FOXK2: variants seen among roughly 807,000 people sequenced by gnomAD.
FOXK2 encodes forkhead box K2, also known as forkhead box protein K2.
In FOXK2, 24 loss-of-function variants were observed where a neutral mutation model predicts 53.3. The observed-to-expected ratio is 0.45, with a 90% CI of 0.33 to 0.63. The LOEUF is 0.63. FOXK2 is among the 30% of genes least tolerant of loss of function. FOXK2 has a pLI of 0.03. For missense variants in FOXK2, 952 were observed against 910.5 expected, an observed-to-expected ratio of 1.05 and a Z score of -0.59; for synonymous variants, 505 against 407.1, an observed-to-expected ratio of 1.24 and a Z score of -2.89.
intron 8 of FOXK2, among the ~76,000 whole-genome samples, chr17:82,598,631 A>C (rs2045344317): frequency 6.6e-6 from 1 of 152,264 alleles, no homozygotes; most frequent in South Asian, 2.1e-4. Context: ...TCACTCCTGG[A>C]ATCATGAGCC....
rs2044341393 is a variant in FOXK2, at chr17:82,519,929, C to T, written c.41C>T (p.Pro14Leu). Residue 14 changes from proline (P) to leucine (L), a missense_variant, in exon 1 of 9, where the codon CCA (proline) becomes CTA (leucine). Pro to Leu is a moderately conservative substitution (Grantham distance 98, BLOSUM62 -3). This residue lies in a region of FOXK2 where 163 missense variants were observed against 165.5 expected (regional missense o/e 0.98). Coordinates refer to ENST00000335255, the MANE Select transcript of FOXK2 (RefSeq NM_004514.4). ...AAAALSGAGTPPAGGGAGGGG... is the reference protein window; with the variant it reads ...AAAALSGAGTLPAGGGAGGGG... The stretch of plus-strand genomic sequence containing the variant: ...GCGGCGCTCTCGGGCGCGGGCACGC[C>T]ACCCGCGGGCGGCGGGGCCGGGGGC... The T allele has an allele frequency of 1.0e-6, 1 of 978,788 alleles. No homozygotes were observed. 60.6% of individuals were successfully genotyped at this position (978,788 alleles called of 1,614,324 possible). A position where few individuals can be genotyped will look rare whatever the true frequency, so the allele number is the denominator to read the frequency against.
At chr17:82,528,122 A>G (rs2044436798) in intron 1 of FOXK2, among the ~76,000 whole-genome samples, 1 of 152,122 alleles carries the variant, frequency 6.6e-6, no homozygotes, top group Non-Finnish European at 1.5e-5. Context: ...AGTGCTGATC[A>G]TTTATTAATA....
chr17:82,595,306 C>A (rs57008257), intron 8 of FOXK2, among the ~76,000 whole-genome samples: 1 of 152,092 alleles, frequency 6.6e-6, no homozygotes, highest in African/African-American at 2.4e-5. Flanking sequence ...TCAGGTTCTA[C>A]GGCTTTTGTC....
At chr17:82,545,143 C>G (rs2044612721) in intron 1 of FOXK2, among the ~76,000 whole-genome samples, 1 of 152,050 alleles carries the variant, frequency 6.6e-6, no homozygotes, top group Non-Finnish European at 1.5e-5. Flanking sequence ...AAAGTATCAT[C>G]TAGACACAGA....
Position 82,520,120 on chromosome 17 carries a change from C to T in FOXK2, c.232C>T (p.Arg78Cys), listed in dbSNP as rs2044344526. 2 of 1,519,278 alleles carry T rather than the reference C, an allele frequency of 1.3e-6. No homozygotes were observed. The highest frequency in any genetic ancestry group is 1.8e-6 in the Non-Finnish European group (2 of 1,137,038). The allele number at this position is 1,519,278 out of a possible 1,614,324, so 94.1% of individuals were successfully genotyped here. A position where few individuals can be genotyped will look rare whatever the true frequency, so the allele number is the denominator to read the frequency against. Residue 78 changes from arginine to cysteine, a missense_variant, in exon 1 of 9, where the codon CGC becomes TGC. By Grantham distance (180) the Arg-to-Cys change is radical. Around this residue, in one of 5 missense-constraint regions of FOXK2, gnomAD observed 163 missense variants for 165.5 expected, o/e 0.98. Transcript: ENST00000335255. Reference protein sequence around the residue: ...SMGHSSFISRRHLEIFTPPGG... With the variant: ...SMGHSSFISRCHLEIFTPPGG... Reference sequence around the variant, plus strand: ...GGGCCACTCGAGCTTCATCTCCCGGCGCCACCTCGAGATCTTCACGCCCCC... The same window carrying T: ...GGGCCACTCGAGCTTCATCTCCCGGTGCCACCTCGAGATCTTCACGCCCCC...
chr17:82,543,770 T>C (rs1322358523), intron 1 of FOXK2, among the ~76,000 whole-genome samples: 1 of 144,560 alleles, frequency 6.9e-6, no homozygotes, highest in Non-Finnish European at 1.5e-5. Flanking sequence ...GCCAGCATGC[T>C]TAGCTTTTTT....
At chr17:82,564,050 C>T (rs898645241) in intron 2 of FOXK2, among the ~76,000 whole-genome samples, 1 of 150,458 alleles carries the variant, frequency 6.6e-6, no homozygotes, top group Non-Finnish European at 1.5e-5. Flanking sequence ...TGCACCTGGC[C>T]TGTTTACTCA....
intron 1 of FOXK2, among the ~76,000 whole-genome samples, chr17:82,536,167 G>A (rs558124570): frequency 6.6e-6 from 1 of 152,118 alleles, no homozygotes; most frequent in Non-Finnish European, 1.5e-5. Context: ...TGTGAGCTAC[G>A]GTGCCCGGCC....
chr17:82,561,913 G>C (rs749341786), intron 1 of FOXK2, among the ~76,000 whole-genome samples: 20 of 152,244 alleles, frequency 1.3e-4, no homozygotes, highest in Admixed American at 3.3e-4. Flanking sequence ...GTTGGGGGGG[G>C]GGGGTGCCCG....
chr17:82,571,954 CAGGAT>C (rs1264908214), intron 4 of FOXK2, 84 bp downstream of exon 4: 3 of 1,375,742 alleles, frequency 2.2e-6, no homozygotes, highest in Non-Finnish European at 2.9e-6. Flanking sequence ...AACACAGGCA[CAGGAT>C]AGGAAGGTAG....
chr17:82,566,389 C>T (rs2044851513), intron 2 of FOXK2, among the ~76,000 whole-genome samples: 1 of 152,100 alleles, frequency 6.6e-6, no homozygotes, highest in African/African-American at 2.4e-5. Flanking sequence ...CTCGTTGCTG[C>T]CCTCTCTCCC....
chr17:82,532,097 C>CCCGT (rs2044477615), intron 1 of FOXK2, among the ~76,000 whole-genome samples: 1 of 149,342 alleles, frequency 6.7e-6, no homozygotes, highest in South Asian at 2.1e-4. Flanking sequence ...TAAACACCTA[C>CCCGT]CTTGGCCTCC....
At chr17:82,598,131 T>C (rs2045337523) in intron 8 of FOXK2, among the ~76,000 whole-genome samples, 1 of 146,088 alleles carries the variant, frequency 6.8e-6, no homozygotes, top group Non-Finnish European at 1.6e-5. Flanking sequence ...ACCGTATTGT[T>C]GACTCCCATC....
At chr17:82,545,728 C>T (rs1452550155) in intron 1 of FOXK2, among the ~76,000 whole-genome samples, 2 of 151,954 alleles carry the variant, frequency 1.3e-5, no homozygotes, top group Admixed American at 6.6e-5. Flanking sequence ...ATTATAGGTA[C>T]GCACCAGCAC....
At chr17:82,597,215 G>C (rs1019380828) in intron 8 of FOXK2, among the ~76,000 whole-genome samples, 1 of 152,230 alleles carries the variant, frequency 6.6e-6, no homozygotes, top group Non-Finnish European at 1.5e-5. Flanking sequence ...GTGCAAACCA[G>C]AGTTTGCAGT....
chr17:82,563,096 G>A (rs2044815096), intron 1 of FOXK2, among the ~76,000 whole-genome samples: 1 of 152,156 alleles, frequency 6.6e-6, no homozygotes, highest in Non-Finnish European at 1.5e-5. Flanking sequence ...CATGAGCTAC[G>A]ATACCTGGCC....
chr17:82,534,553 T>TTAGCAGA (rs1306657009), intron 1 of FOXK2, among the ~76,000 whole-genome samples: 7 of 152,206 alleles, frequency 4.6e-5, no homozygotes, highest in Non-Finnish European at 2.9e-5. Context: ...GGCTCCTTCT[T>TTAGCAGA]GCTGAGAACT....
chr17:82,530,598 C>T (rs998711503), intron 1 of FOXK2, among the ~76,000 whole-genome samples: 7 of 150,346 alleles, frequency 4.7e-5, no homozygotes, highest in South Asian at 2.1e-4. Context: ...GCAACGTCCT[C>T]CTCCCGGGTT....
chr17:82,598,673 G>A (rs2045344954), intron 8 of FOXK2, among the ~76,000 whole-genome samples: 1 of 152,236 alleles, frequency 6.6e-6, no homozygotes, highest in African/African-American at 2.4e-5. Context: ...AGCTGTTAGT[G>A]AGGGCAAAGC....
Sources: allele counts gnomAD v4.1 joint callset (sites outside exome capture counted in the v4.1 genomes callset), GRCh38; gene constraint gnomAD v4.1.1; regional missense constraint gnomAD v4.1.1; transcripts MANE v1.5; gene names NCBI Gene and HGNC (gene_info 2026-07-23, HGNC 2026-07-21).